The following FSIP1 variants were observed in gnomAD, a reference collection of about 807,000 sequenced individuals.
FSIP1 encodes fibrous sheath-interacting protein 1.
Under a neutral mutation model 60.9 loss-of-function variants are expected in FSIP1, and 65 were observed. The observed-to-expected ratio is 1.07, with a 90% CI of 0.87 to 1.31. FSIP1 has a LOEUF of 1.31. Ranked by LOEUF, FSIP1 falls within the 40% of genes most tolerant of loss-of-function variation. The probability of loss-of-function intolerance (pLI) is 0.00; values close to 1 mark genes in which losing one functional copy is unlikely to be tolerated. For missense variants in FSIP1, 675 were observed against 665.5 expected, an observed-to-expected ratio of 1.01 and a Z score of -0.16; for synonymous variants, 209 against 221.2, an observed-to-expected ratio of 0.94 and a Z score of 0.49.
At position 39,769,265 on chromosome 15, in the gene FSIP1, C is replaced by T. The variant is rs964860984; in HGVS notation, c.310+1162G>A. ...CTGCACTCCAGCCTGGGCGACAGAG[C>T]GAGACTCCGTCTCAAAAAAAAAAAA... On this transcript the variant is annotated intron_variant, in intron 3 of 11. Transcript: ENST00000350221. Among the ~76,000 whole-genome samples the T allele has an allele frequency of 1.8e-4, 26 of 143,854 alleles. No homozygotes were observed. In the East Asian group the frequency reaches 4.3e-3, roughly 24 times the overall value. 94.4% of individuals were successfully genotyped at this position (143,854 alleles called of 152,430 possible). A position where few individuals can be genotyped will look rare whatever the true frequency, so the allele number is the denominator to read the frequency against.
intron 8 of FSIP1, 72 bp from the exon 9 acceptor site, chr15:39,726,819 A>G (rs1051976643): frequency 7.5e-6 from 9 of 1,200,742 alleles, no homozygotes; most frequent in East Asian, 7.2e-5. Flanking sequence ...TCAAGTGGCT[A>G]TAACAGTGCC....
chr15:39,773,945 G>A (rs1316763347), intron 2 of FSIP1, among the ~76,000 whole-genome samples: 2 of 152,106 alleles, frequency 1.3e-5, no homozygotes, highest in Non-Finnish European at 2.9e-5. Flanking sequence ...GATTGTAATG[G>A]TAGTTATATC....
intron 10 of FSIP1, among the ~76,000 whole-genome samples, chr15:39,669,390 A>G (rs1893629238): frequency 6.6e-6 from 1 of 152,124 alleles, no homozygotes; most frequent in African/African-American, 2.4e-5. Flanking sequence ...CTGTACCCCA[A>G]ATTCTATCTT....
intron 10 of FSIP1, among the ~76,000 whole-genome samples, chr15:39,620,634 C>T (rs148853863): frequency 1.5e-3 from 230 of 151,102 alleles, no homozygotes; most frequent in African/African-American, 5.3e-3. Flanking sequence ...CTCTGTCGCG[C>T]AGGCTGGAGT....
intron 10 of FSIP1, among the ~76,000 whole-genome samples, chr15:39,643,470 T>A (rs866722086): frequency 2.6e-5 from 4 of 152,204 alleles, no homozygotes; most frequent in African/African-American, 9.7e-5. Flanking sequence ...ATGCGGGCAT[T>A]ACCAAATCCT....
chr15:39,647,592 G>C (rs1198005876), intron 10 of FSIP1, among the ~76,000 whole-genome samples: 1 of 151,978 alleles, frequency 6.6e-6, no homozygotes, highest in Non-Finnish European at 1.5e-5. Flanking sequence ...TCTACCCCAT[G>C]ACATCACTGG....
chr15:39,674,155 T>C (rs188686486), intron 10 of FSIP1, among the ~76,000 whole-genome samples: 3,076 of 151,626 alleles, frequency 0.02, 35 homozygotes, highest in South Asian at 0.032. Flanking sequence ...CCCGGGTTCA[T>C]GCCATTCTCC....
chr15:39,725,971 G>A (rs1304340045), intron 9 of FSIP1, among the ~76,000 whole-genome samples: 2 of 152,086 alleles, frequency 1.3e-5, no homozygotes, highest in Non-Finnish European at 2.9e-5. Flanking sequence ...TTTTAGTAGA[G>A]ACAGGGTTTC....
chr15:39,689,201 G>A (rs4924379), intron 10 of FSIP1, among the ~76,000 whole-genome samples: 8,790 of 152,158 alleles, frequency 0.058, 688 homozygotes, highest in Admixed American at 0.2. Context: ...ATAGGGAGAT[G>A]TACGTGGAAG....
chr15:39,754,273 GA>G (rs1475802321), intron 5 of FSIP1, among the ~76,000 whole-genome samples: 6 of 152,138 alleles, frequency 3.9e-5, no homozygotes, highest in African/African-American at 1.4e-4. Context: ...GCTTTCAAAT[GA>G]CTGTAGCCCC....
intron 8 of FSIP1, among the ~76,000 whole-genome samples, chr15:39,730,878 T>C (rs549668672): frequency 6.6e-6 from 1 of 152,318 alleles, no homozygotes; most frequent in African/African-American, 2.4e-5. Context: ...AACCAGGCTG[T>C]TCCTAAAGCC....
intron 5 of FSIP1, among the ~76,000 whole-genome samples, chr15:39,747,083 CT>C (rs763221392): frequency 6.7e-6 from 1 of 150,278 alleles, no homozygotes; most frequent in Non-Finnish European, 1.5e-5. Flanking sequence ...CCCTCTCTCC[CT>C]TTCTTCCTTT....
intron 8 of FSIP1, among the ~76,000 whole-genome samples, chr15:39,729,031 A>G (rs1311644996): frequency 1.3e-5 from 2 of 152,178 alleles, no homozygotes; most frequent in Non-Finnish European, 2.9e-5. Context: ...GCAAACCAAA[A>G]CCACAATGAG....
At chr15:39,693,755 G>A (rs1308650246) in intron 10 of FSIP1, among the ~76,000 whole-genome samples, 1 of 152,170 alleles carries the variant, frequency 6.6e-6, no homozygotes, top group African/African-American at 2.4e-5. Flanking sequence ...TAGAGGCTGT[G>A]TGTGTTTAAA....
intron 10 of FSIP1, among the ~76,000 whole-genome samples, chr15:39,636,980 A>T (rs886119177): frequency 6.6e-6 from 1 of 152,104 alleles, no homozygotes; most frequent in Non-Finnish European, 1.5e-5. Flanking sequence ...TCAAGTCCTC[A>T]TTCCTATGCA....
chr15:39,751,305 A>G (rs946732807), intron 5 of FSIP1, among the ~76,000 whole-genome samples: 7 of 151,908 alleles, frequency 4.6e-5, no homozygotes, highest in Non-Finnish European at 1.0e-4. Flanking sequence ...TCACCACCTC[A>G]TAAAGACATC....
At chr15:39,736,297 C>T (rs1896606198) in intron 8 of FSIP1, among the ~76,000 whole-genome samples, 1 of 152,180 alleles carries the variant, frequency 6.6e-6, no homozygotes, top group Non-Finnish European at 1.5e-5. Flanking sequence ...GGCATAGCAA[C>T]ACCTTCACCT....
intron 8 of FSIP1, among the ~76,000 whole-genome samples, chr15:39,731,558 G>GTATA (rs780021964): frequency 2.6e-5 from 4 of 152,204 alleles, no homozygotes; most frequent in African/African-American, 9.6e-5. Flanking sequence ...CACCAGAAAT[G>GTATA]TATATGTTTT....
chr15:39,727,333 G>A (rs1347428474), intron 8 of FSIP1, among the ~76,000 whole-genome samples: 2 of 152,292 alleles, frequency 1.3e-5, no homozygotes, highest in Admixed American at 6.5e-5. Context: ...TTCTGCCCTC[G>A]AGGAGTTCTC....
Sources: gnomAD v4.1 joint callset for allele counts (sites outside exome capture counted in the v4.1 genomes callset) on GRCh38, gnomAD v4.1.1 for gene constraint, MANE v1.5 for transcripts, NCBI Gene and HGNC (gene_info 2026-07-23, HGNC 2026-07-21) for gene names.